The following RBFOX3 variants were observed in gnomAD, a reference collection of about 807,000 sequenced individuals.
RBFOX3 encodes RNA binding fox-1 homolog 3, also known as RNA binding protein fox-1 homolog 3.
In RBFOX3, 17 loss-of-function variants were observed where a neutral mutation model predicts 48.7. The observed-to-expected ratio is 0.35, with a 90% CI of 0.24 to 0.52. The LOEUF (loss-of-function observed/expected upper bound fraction) is 0.52, where lower values mean the gene tolerates loss of function less well. Among genes scored for constraint, RBFOX3 ranks in the 20% least tolerant of loss-of-function variants. RBFOX3 has a pLI of 0.94. For synonymous variants in RBFOX3, 212 were observed against 209.5 expected (o/e 1.01, Z -0.10); for missense variants, 382 against 497.5 (o/e 0.77, Z 2.21).
At position 79,226,141 on chromosome 17, in the gene RBFOX3, G is replaced by A. The variant is rs897294218; in HGVS notation, c.-34+9625C>T. Among the ~76,000 whole-genome samples the A allele has an allele frequency of 3.9e-5, 6 of 152,190 alleles. No individual in the cohort carries two copies. The East Asian group carries it at 1.2e-3, about 29-fold the overall frequency. ...CATCATGGGATATGTCTAGCTATTT[G>A]GGGAACCAGCAAGGTGGCCCATGGG... On this transcript the variant is annotated intron_variant, in intron 4 of 14. Transcript: ENST00000693108.
chr17:79,441,657 A>G (rs1470769572), intron 2 of RBFOX3, among the ~76,000 whole-genome samples: 1 of 152,008 alleles, frequency 6.6e-6, no homozygotes, highest in Non-Finnish European at 1.5e-5. Context: ...CAGAGAGTCC[A>G]TTTCTGTTGT....
At position 79,090,791 on chromosome 17, in the gene RBFOX3, C is replaced by G; in HGVS notation, c.*92G>C. The G allele has an allele frequency of 7.2e-7, 1 of 1,394,688 alleles. No individual in the cohort carries two copies. The highest frequency in any genetic ancestry group is 9.7e-7 in the Non-Finnish European group (1 of 1,035,378). The allele number at this position is 1,394,688 out of a possible 1,614,324, so 86.4% of individuals were successfully genotyped here. ...TTGGTTTTTTTTTTGTTGCTTGGAT[C>G]TTAACATCTTTTTTTGTTTTTTTTG... On this transcript the variant is annotated 3_prime_UTR_variant, in exon 15 of 15. Coordinates refer to ENST00000693108, the MANE Select transcript of RBFOX3 (RefSeq NM_001350451.2).
intron 4 of RBFOX3, among the ~76,000 whole-genome samples, chr17:79,196,612 C>T (rs1048811110): frequency 6.6e-6 from 1 of 152,122 alleles, no homozygotes; most frequent in African/African-American, 2.4e-5. Flanking sequence ...TCTGCAGTGC[C>T]CAGATGAGAC....
At chr17:79,373,366 C>A (rs2147709931) in intron 2 of RBFOX3, among the ~76,000 whole-genome samples, 1 of 152,298 alleles carries the variant, frequency 6.6e-6, no homozygotes, top group East Asian at 1.9e-4. Context: ...AGGACCCAGC[C>A]CAACCCTACC....
At position 79,369,574 on chromosome 17, in the gene RBFOX3, G is replaced by A. The variant is rs143578332; in HGVS notation, c.-174-61750C>T. Among the ~76,000 whole-genome samples, 84 of 152,208 alleles carry A rather than the reference G, an allele frequency of 5.5e-4. 2 individuals carry two copies. In the East Asian group the frequency reaches 0.016, roughly 29 times the overall value. ...CCCAAACTCTGGGTGTGTGTTCTGG[G>A]GCATGGTTGGTGTTGCTCTGGTTAG... On this transcript the variant is annotated intron_variant, in intron 2 of 14. Coordinates refer to ENST00000693108, the MANE Select transcript of RBFOX3 (RefSeq NM_001350451.2).
intron 1 of RBFOX3, among the ~76,000 whole-genome samples, chr17:79,543,347 G>A (rs2089977959): frequency 6.6e-6 from 1 of 152,128 alleles, no homozygotes; most frequent in Non-Finnish European, 1.5e-5. Context: ...ATAAACGGAG[G>A]CTCAGATAGG....
At chr17:79,096,620 T>TTCCCC (rs1568117480) in intron 12 of RBFOX3, 33 bp downstream of exon 12, 17 of 1,502,330 alleles carry the variant, frequency 1.1e-5, no homozygotes, top group South Asian at 6.0e-5. Flanking sequence ...GAACGCCTGA[T>TTCCCC]CCCACCCTCC....
At chr17:79,109,652 C>T (rs8182304) in intron 5 of RBFOX3, among the ~76,000 whole-genome samples, 18,079 of 152,244 alleles carry the variant, frequency 0.12, 1,321 homozygotes, top group East Asian at 0.24. Flanking sequence ...CTTTCCTCCT[C>T]GGTGGACAGG....
At chr17:79,338,089 C>A (rs2081475930) in intron 2 of RBFOX3, among the ~76,000 whole-genome samples, 2 of 152,058 alleles carry the variant, frequency 1.3e-5, no homozygotes, top group African/African-American at 4.8e-5. Flanking sequence ...CAGGCACCTG[C>A]CACCATGCCC....
At chr17:79,388,487 T>A (rs1460458610) in intron 2 of RBFOX3, among the ~76,000 whole-genome samples, 1 of 152,232 alleles carries the variant, frequency 6.6e-6, no homozygotes, top group Non-Finnish European at 1.5e-5. Flanking sequence ...CCTTCCCACC[T>A]GCATGCGCCT....
At chr17:79,553,831 C>T (rs1395759016) in intron 1 of RBFOX3, among the ~76,000 whole-genome samples, 2 of 152,246 alleles carry the variant, frequency 1.3e-5, no homozygotes, top group Non-Finnish European at 2.9e-5. Flanking sequence ...CTCCTGGGTG[C>T]AAGCGATTCT....
rs74543348 is a variant in RBFOX3, at chr17:79,239,566, C to T, written c.-73-3761G>A. On this transcript the variant is annotated intron_variant, in intron 3 of 14. Coordinates refer to ENST00000693108, the MANE Select transcript of RBFOX3 (RefSeq NM_001350451.2). ...CCCAGAGTCCACTCCACACTGCCCA[C>T]TGCCCCCAGGAGACGGCGGGGCACT... Among the ~76,000 whole-genome samples the T allele has an allele frequency of 5.1e-3, 777 of 152,360 alleles. 4 individuals carry two copies. Among genetic ancestry groups the T allele is most frequent in the African/African-American group, 0.018 (748 of 41,594 alleles).
chr17:79,604,241 G>A (rs967786778), intron 1 of RBFOX3, among the ~76,000 whole-genome samples: 13 of 152,220 alleles, frequency 8.5e-5, no homozygotes, highest in Non-Finnish European at 1.5e-4. Context: ...CCAGGGTGAA[G>A]GGCAGGTGTC....
the RBFOX3 span, among the ~76,000 whole-genome samples, chr17:79,655,204 C>G: frequency 2.0e-5 from 3 of 152,142 alleles, no homozygotes; most frequent in Non-Finnish European, 4.4e-5. Context: ...CCCGGACCAG[C>G]ACGAAGAGGG....
intron 14 of RBFOX3, among the ~76,000 whole-genome samples, chr17:79,093,064 A>C (rs1361603262): frequency 6.6e-6 from 1 of 152,210 alleles, no homozygotes; most frequent in Non-Finnish European, 1.5e-5. Flanking sequence ...CCTTGGCTCA[A>C]GAGCCTGGGG....
intron 4 of RBFOX3, among the ~76,000 whole-genome samples, chr17:79,194,668 G>A (rs921854225): frequency 6.6e-6 from 1 of 151,822 alleles, no homozygotes; most frequent in African/African-American, 2.4e-5. Flanking sequence ...ACCTGGTGCT[G>A]TTGAGTGCAG....
chr17:79,596,682 C>T (rs935958615), intron 1 of RBFOX3, among the ~76,000 whole-genome samples: 2 of 152,090 alleles, frequency 1.3e-5, no homozygotes, highest in African/African-American at 4.8e-5. Flanking sequence ...AGCCCCTGCC[C>T]GCGAAGCACT....
At chr17:79,133,295 T>C (rs1483949143) in intron 4 of RBFOX3, among the ~76,000 whole-genome samples, 2 of 152,168 alleles carry the variant, frequency 1.3e-5, no homozygotes, top group Non-Finnish European at 2.9e-5. Context: ...TGTCCATCCA[T>C]GGTCACTACC....
At chr17:79,340,110 C>T (rs550947365) in intron 2 of RBFOX3, among the ~76,000 whole-genome samples, 31 of 152,168 alleles carry the variant, frequency 2.0e-4, no homozygotes, top group Non-Finnish European at 3.1e-4. Flanking sequence ...ACCAGCCTGA[C>T]GAACATGGTG....
Sources: gnomAD v4.1 joint callset for allele counts (sites outside exome capture counted in the v4.1 genomes callset) on GRCh38, gnomAD v4.1.1 for gene constraint, MANE v1.5 for transcripts, NCBI Gene and HGNC (gene_info 2026-07-23, HGNC 2026-07-21) for gene names.